The following TENT5C variants were observed in gnomAD, a reference collection of about 807,000 sequenced individuals.
TENT5C encodes terminal nucleotidyltransferase 5C.
TENT5C carries 5 observed loss-of-function variants against 22.2 expected under a neutral mutation model. That is an observed-to-expected ratio of 0.22 (90% CI 0.12 to 0.47). TENT5C has a LOEUF of 0.47. Among genes scored for constraint, TENT5C ranks in the 20% least tolerant of loss-of-function variants. TENT5C has a pLI of 0.99. For missense variants in TENT5C, 364 were observed against 500.9 expected (o/e 0.73, Z 2.61); for synonymous variants, 199 against 195.4 (o/e 1.02, Z -0.15).
At chr1:117,606,648 C>G (rs1028455918) in intron 1 of TENT5C, among the ~76,000 whole-genome samples, 7 of 152,146 alleles carry the variant, frequency 4.6e-5, no homozygotes, top group African/African-American at 9.6e-5. Flanking sequence ...GCCGGCCCGC[C>G]GAGTGTGAAT....
At chr1:117,611,766 G>A (rs1416957717) in intron 1 of TENT5C, among the ~76,000 whole-genome samples, 2 of 152,208 alleles carry the variant, frequency 1.3e-5, no homozygotes, top group Non-Finnish European at 2.9e-5. Context: ...AGAATTGCTT[G>A]AGCCCAGGAA....
intron 1 of TENT5C, 83 bp from the exon 2 acceptor site, chr1:117,622,759 A>G: frequency 2.3e-6 from 2 of 888,204 alleles, no homozygotes; most frequent in Non-Finnish European, 3.5e-6. Flanking sequence ...GAAGATGTTC[A>G]GAGATTAAAC....
At chr1:117,620,472 A>C (rs1558007080) in intron 1 of TENT5C, among the ~76,000 whole-genome samples, 1 of 152,094 alleles carries the variant, frequency 6.6e-6, no homozygotes, top group Non-Finnish European at 1.5e-5. Context: ...CATACCTGAA[A>C]TCTATAAAAC....
In TENT5C at chr1:117,623,105, T is replaced by C. The variant is rs368458218; in HGVS notation, c.237T>C (p.Val79=). Residue 79 remains valine (V), a synonymous_variant, in exon 2 of 2, where the codon GTT becomes GTC. Coordinates refer to ENST00000369448, the MANE Select transcript of TENT5C (RefSeq NM_017709.4). ...VRLNGSAAGH[V]LVKDNGLGCK... ...TGAATGGCTCCGCAGCTGGCCACGT[T>C]TTGGTCAAAGACAATGGCTTGGGCT... 5.7e-5 allele frequency: 92 copies of C among 1,614,098 alleles called. No individual in the cohort carries two copies. The highest frequency in any genetic ancestry group is 7.4e-5 in the Non-Finnish European group (87 of 1,180,048).
At position 117,622,942 on chromosome 1, in the gene TENT5C, T is replaced by G; in HGVS notation, c.74T>G (p.Leu25Arg). Residue 25 changes from leucine to arginine, a missense_variant, in exon 2 of 2, where the codon CTG becomes CGG. By Grantham distance (102) the Leu-to-Arg change is moderately radical (BLOSUM62 -2). This residue lies in a region of TENT5C where 303 missense variants were observed against 394.5 expected (regional missense o/e 0.77). Coordinates refer to ENST00000369448, the MANE Select transcript of TENT5C (RefSeq NM_017709.4). ...CTCAACTGGGATCAGGTTAGCCGGCTGCATGAGGTCCTCACTGAAGTTGTA... is the reference window on the plus strand; with the variant it reads ...CTCAACTGGGATCAGGTTAGCCGGCGGCATGAGGTCCTCACTGAAGTTGTA... ...SVLNWDQVSR[L>R]HEVLTEVVPI... 6.2e-7 allele frequency: 1 copy of G among 1,614,212 alleles called. No individual in the cohort carries two copies. The highest frequency in any genetic ancestry group is 8.5e-7 in the Non-Finnish European group (1 of 1,180,038).
intron 1 of TENT5C, among the ~76,000 whole-genome samples, chr1:117,619,962 T>A (rs1653859750): frequency 6.6e-6 from 1 of 152,220 alleles, no homozygotes; most frequent in Admixed American, 6.5e-5. Context: ...TTTTTCACAA[T>A]GTTTTCTGGC....
At chr1:117,610,967 A>C (rs1490307339) in intron 1 of TENT5C, among the ~76,000 whole-genome samples, 2 of 152,172 alleles carry the variant, frequency 1.3e-5, no homozygotes, top group Non-Finnish European at 2.9e-5. Flanking sequence ...TATCCATGAA[A>C]CTGCAACTGC....
rs150740852 is a variant in TENT5C, at chr1:117,623,790, A to G, written c.922A>G (p.Met308Val). 1.1e-5 allele frequency: 18 copies of G among 1,614,080 alleles called. No homozygotes were observed. Among genetic ancestry groups the G allele is most frequent in the African/African-American group, 8.0e-5 (6 of 74,914 alleles). Residue 308 changes from methionine (M) to valine (V), a missense_variant, in exon 2 of 2, where the codon ATG (methionine) becomes GTG (valine). By Grantham distance (21) the Met-to-Val change is conservative. Around this residue, in one of 3 missense-constraint regions of TENT5C, gnomAD observed 303 missense variants for 394.5 expected, o/e 0.77. Coordinates refer to ENST00000369448, the MANE Select transcript of TENT5C (RefSeq NM_017709.4). Reference protein sequence around the residue: ...EEERSKYDYLMILRRVVNEST... With the variant: ...EEERSKYDYLVILRRVVNEST... ...AGAGAGAAGCAAGTACGACTACCTC[A>G]TGATCCTTCGCAGGGTGGTGAACGA... is the stretch of plus-strand genomic sequence containing the variant.
Position 117,625,666 on chromosome 1 carries a change from T to G in TENT5C, c.*1622T>G, listed in dbSNP as rs1011562681. 2.8e-5 allele frequency: 7 copies of G among 248,066 alleles called. No individual in the cohort carries two copies. Among genetic ancestry groups the G allele is most frequent in the African/African-American group, 1.1e-4 (5 of 45,364 alleles). 15.4% of individuals were successfully genotyped at this position (248,066 alleles called of 1,614,324 possible). On this transcript the variant is annotated 3_prime_UTR_variant, in exon 2 of 2. Coordinates refer to ENST00000369448, the MANE Select transcript of TENT5C (RefSeq NM_017709.4). Reference sequence around the variant, plus strand: ...AAACCCAAAGCCCGGAGTGATTGTTTTCTCCTTGCTTTAAGCAGTGAAGTT... The same window carrying G: ...AAACCCAAAGCCCGGAGTGATTGTTGTCTCCTTGCTTTAAGCAGTGAAGTT...
chr1:117,623,712 C>G lies in TENT5C; in HGVS notation c.844C>G (p.Leu282Val), dbSNP rs764017740. 1.2e-6 allele frequency: 2 copies of G among 1,614,142 alleles called. No individual in the cohort carries two copies. The highest frequency in any genetic ancestry group is 4.5e-5 in the East Asian group (2 of 44,876). Residue 282 changes from leucine to valine, a missense_variant, in exon 2 of 2, where the codon CTT (leucine) becomes GTT (valine). By Grantham distance (32) the Leu-to-Val change is conservative. This residue lies in a region of TENT5C where 303 missense variants were observed against 394.5 expected (regional missense o/e 0.77). Transcript: ENST00000369448. The part of the protein sequence containing the change: ...SRFFIDFPDI[L>V]EQQRKLETYL... ...GTTCTTCATCGACTTCCCGGACATC[C>G]TTGAACAGCAGAGGAAGTTGGAGAC...
chr1:117,615,287 C>A (rs911287322), intron 1 of TENT5C, among the ~76,000 whole-genome samples: 1 of 152,212 alleles, frequency 6.6e-6, no homozygotes, highest in African/African-American at 2.4e-5. Flanking sequence ...AGCTCCCTGC[C>A]CCACCAAAGC....
chr1:117,606,507 G>A (rs1244015997), intron 1 of TENT5C, among the ~76,000 whole-genome samples: 2 of 152,216 alleles, frequency 1.3e-5, no homozygotes, highest in African/African-American at 4.8e-5. Context: ...CGGGCAGGGC[G>A]TCTGAAGAGT....
intron 1 of TENT5C, among the ~76,000 whole-genome samples, chr1:117,617,625 A>G (rs1011318297): frequency 1.4e-4 from 21 of 152,216 alleles, no homozygotes; most frequent in Admixed American, 2.6e-4. Flanking sequence ...ATTTGAATTT[A>G]CTAGGCTTCA....
chr1:117,627,865 C>CGTGT lies in TENT5C; in HGVS notation c.*3828_*3831dup, dbSNP rs898581456. 5 of 239,774 alleles carry CGTGT rather than the reference C, an allele frequency of 2.1e-5. No individual in the cohort carries two copies. Among genetic ancestry groups the CGTGT allele is most frequent in the African/African-American group, 1.1e-4 (5 of 43,592 alleles). 14.9% of individuals were successfully genotyped at this position (239,774 alleles called of 1,614,324 possible). A position where few individuals can be genotyped will look rare whatever the true frequency, so the allele number is the denominator to read the frequency against. ...AAGACTGTGTGTGTGTGTGTGTGTG[C>CGTGT]GTGTGTGTGTTCAAGTGCCTAAATC... On this transcript the variant is annotated 3_prime_UTR_variant, in exon 2 of 2. Transcript: ENST00000369448.
chr1:117,611,104 C>G (rs1011667748), intron 1 of TENT5C, among the ~76,000 whole-genome samples: 3 of 152,198 alleles, frequency 2.0e-5, no homozygotes, highest in Non-Finnish European at 4.4e-5. Flanking sequence ...TCCATCGTTG[C>G]CCTCTGCTCG....
Position 117,611,846 on chromosome 1 carries a change from C to A in TENT5C, c.-28+5693C>A, listed in dbSNP as rs1233435919. On this transcript the variant is annotated intron_variant, in intron 1 of 1. Coordinates refer to ENST00000369448, the MANE Select transcript of TENT5C (RefSeq NM_017709.4). ...TTGGCAATAGGGTGAGACCCTGTAT[C>A]AAAAAAAAGTGAAATTCATTTTAAT... is the stretch of plus-strand genomic sequence containing the variant. Among the ~76,000 whole-genome samples, 3 of 151,560 alleles carry A rather than the reference C, an allele frequency of 2.0e-5. No individual in the cohort carries two copies. In the East Asian group the frequency reaches 5.8e-4, roughly 29 times the overall value.
rs1383000604 is a variant in TENT5C at position 117,623,869 on chromosome 1, C to G, written c.1001C>G (p.Ser334Cys). 6.2e-7 allele frequency: 1 copy of G among 1,614,206 alleles called. No homozygotes were observed. ...HERRQTLNLI[S>C]LLALRVLAEQ... ...CGCAGGCAGACTCTGAACCTCATCT[C>G]CCTCCTGGCCTTGCGTGTGCTGGCG... Residue 334 changes from serine (S) to cysteine (C), a missense_variant, in exon 2 of 2, where the codon TCC becomes TGC. Ser to Cys is a moderately radical substitution (Grantham distance 112). Coordinates refer to ENST00000369448, the MANE Select transcript of TENT5C (RefSeq NM_017709.4).
chr1:117,627,988 G>A lies in TENT5C; in HGVS notation c.*3944G>A. Reference sequence around the variant, plus strand: ...AGTGAGAGTTGGTGCAAATTCTTGTGTGTGTTTGCATAGGAAGGTGAGATG... The same window carrying A: ...AGTGAGAGTTGGTGCAAATTCTTGTATGTGTTTGCATAGGAAGGTGAGATG... On this transcript the variant is annotated 3_prime_UTR_variant, in exon 2 of 2. Transcript: ENST00000369448. 1 of 248,128 alleles carries A rather than the reference G, an allele frequency of 4.0e-6. No homozygotes were observed. The highest frequency in any genetic ancestry group is 6.0e-5 in the East Asian group (1 of 16,588). 15.4% of individuals were successfully genotyped at this position (248,128 alleles called of 1,614,324 possible). A position where few individuals can be genotyped will look rare whatever the true frequency, so the allele number is the denominator to read the frequency against.
At chr1:117,622,559 C>G (rs1289728278) in intron 1 of TENT5C, among the ~76,000 whole-genome samples, 2 of 152,064 alleles carry the variant, frequency 1.3e-5, no homozygotes, top group Non-Finnish European at 2.9e-5. Context: ...ATTTGAAACA[C>G]ACTCCGTTTC....
Sources: allele counts gnomAD v4.1 joint callset (sites outside exome capture counted in the v4.1 genomes callset), GRCh38; gene constraint gnomAD v4.1.1; regional missense constraint gnomAD v4.1.1; transcripts MANE v1.5; gene names NCBI Gene and HGNC (gene_info 2026-07-23, HGNC 2026-07-21).